SUSD4: variants seen among roughly 807,000 people sequenced by gnomAD.
SUSD4 encodes the protein sushi domain-containing protein 4.
Under a neutral mutation model 50.5 loss-of-function variants are expected in SUSD4, and 41 were observed. The ratio of observed to expected loss-of-function variants is 0.81; its 90% CI spans 0.63 to 1.05. The LOEUF (loss-of-function observed/expected upper bound fraction) is 1.05. SUSD4 is among the 50% of genes least tolerant of loss of function. The pLI is 0.00. For synonymous variants in SUSD4, 257 were observed against 257.3 expected, an observed-to-expected ratio of 1.00 and a Z score of 0.01; for missense variants, 580 against 634.7, an observed-to-expected ratio of 0.91 and a Z score of 0.93.
intron 2 of SUSD4, among the ~76,000 whole-genome samples, chr1:223,336,025 A>C (rs1667436613): frequency 6.6e-6 from 1 of 152,220 alleles, no homozygotes; most frequent in South Asian, 2.1e-4. Flanking sequence ...AAAAAAAGAA[A>C]ACGTCATTAT....
intron 2 of SUSD4, among the ~76,000 whole-genome samples, chr1:223,317,830 CCTT>C (rs1666295732): frequency 2.2e-5 from 3 of 138,774 alleles, no homozygotes; most frequent in Non-Finnish European, 4.7e-5. Flanking sequence ...CAATGCTTGC[CCTT>C]CTTTTTTTTT....
intron 2 of SUSD4, among the ~76,000 whole-genome samples, chr1:223,339,286 G>A (rs989803780): frequency 3.3e-5 from 5 of 152,152 alleles, no homozygotes; most frequent in Non-Finnish European, 5.9e-5. Context: ...ATATTGCTGT[G>A]GGTTGAACAG....
chr1:223,326,892 T>C (rs1416947575), intron 2 of SUSD4, among the ~76,000 whole-genome samples: 2 of 152,170 alleles, frequency 1.3e-5, no homozygotes, highest in Non-Finnish European at 2.9e-5. Flanking sequence ...ATACTGCTAG[T>C]GAAAATGTAA....
At position 223,363,346 on chromosome 1, in the gene SUSD4, TG is replaced by T; in HGVS notation, c.79del (p.Gln27ArgfsTer6). On this transcript the variant is annotated frameshift_variant, in exon 2 of 9. Coordinates refer to ENST00000366878, the MANE Select transcript of SUSD4 (RefSeq NM_017982.4). LOFTEE classifies it high-confidence loss of function. ...QQQQQQPQSP[Q>X]RLLAVILWFQ... ...CCACAGGATCACGGCCAAGAGTCTC[TG>T]GGGGGACTGAGGTTGCTGCTGCTGC... 1 of 1,609,186 alleles carries T rather than the reference TG, an allele frequency of 6.2e-7. No individual in the cohort carries two copies. The highest frequency in any genetic ancestry group is 8.5e-7 in the Non-Finnish European group (1 of 1,178,084).
At chr1:223,254,585 A>G (rs995807891) in intron 5 of SUSD4, among the ~76,000 whole-genome samples, 2 of 152,238 alleles carry the variant, frequency 1.3e-5, no homozygotes, top group African/African-American at 2.4e-5. Context: ...GAGTCTAAAA[A>G]GTAATAGCAG....
intron 5 of SUSD4, among the ~76,000 whole-genome samples, chr1:223,258,433 C>T (rs1661854220): frequency 6.6e-6 from 1 of 152,058 alleles, no homozygotes; most frequent in Non-Finnish European, 1.5e-5. Context: ...CTTAGGAAAT[C>T]ACACTGCTGC....
Position 223,333,097 on chromosome 1 carries a change from T to C in SUSD4, c.148+30181A>G, listed in dbSNP as rs73122295. 7.6e-3 allele frequency among the ~76,000 whole-genome samples: 1,151 copies of C among 151,974 alleles called. 12 individuals carry two copies. The highest frequency in any genetic ancestry group is 0.025 in the African/African-American group (1,036 of 41,484). On this transcript the variant is annotated intron_variant, in intron 2 of 8. Coordinates refer to ENST00000366878, the MANE Select transcript of SUSD4 (RefSeq NM_017982.4). ...CACAGCCCAGCATGGCCTTTCTTCC[T>C]AAAAGAAACCCGCCAATCCAGGCAC...
At chr1:223,268,011 T>A (rs928673841) in intron 4 of SUSD4, among the ~76,000 whole-genome samples, 6 of 7,666 alleles carry the variant, frequency 7.8e-4, no homozygotes, top group African/African-American at 2.9e-3. Context: ...TTCATGCATT[T>A]TTTATATATA....
At chr1:223,266,230 T>C (rs778195408) in intron 4 of SUSD4, among the ~76,000 whole-genome samples, 1 of 150,378 alleles carries the variant, frequency 6.6e-6, no homozygotes, top group Non-Finnish European at 1.5e-5. Context: ...TCAGCCATCT[T>C]TGTAGACAGT....
chr1:223,270,519 G>A (rs909288961), intron 3 of SUSD4, among the ~76,000 whole-genome samples: 2 of 152,164 alleles, frequency 1.3e-5, no homozygotes, highest in Non-Finnish European at 2.9e-5. Flanking sequence ...GAAGAACTGT[G>A]TTCTGGCTTT....
chr1:223,286,990 G>C (rs1664186705), intron 3 of SUSD4, among the ~76,000 whole-genome samples: 1 of 152,216 alleles, frequency 6.6e-6, no homozygotes, highest in South Asian at 2.1e-4. Flanking sequence ...TTTTGAGCCA[G>C]AGCCTGTGGC....
chr1:223,339,879 A>G (rs992345921), intron 2 of SUSD4, among the ~76,000 whole-genome samples: 1 of 152,158 alleles, frequency 6.6e-6, no homozygotes, highest in African/African-American at 2.4e-5. Flanking sequence ...GCTTACACAC[A>G]CTGAGCTGTT....
At chr1:223,253,007 C>T (rs1661439922) in intron 5 of SUSD4, among the ~76,000 whole-genome samples, 1 of 151,728 alleles carries the variant, frequency 6.6e-6, no homozygotes, top group Non-Finnish European at 1.5e-5. Context: ...AGGAGAATCG[C>T]TTGAACCTGA....
Position 223,229,274 on chromosome 1 carries a change from A to G in SUSD4, c.839T>C (p.Leu280Pro), listed in dbSNP as rs1659734616. The stretch of plus-strand genomic sequence containing the variant: ...GGTGATGTACTTGTAGTCGCTGGTG[A>G]GGCTGTAGCCAGGATCGCAGTAAAA... ...VEFYCDPGYS[L>P]TSDYKYITCQ... Residue 280 changes from leucine (L) to proline (P), a missense_variant, in exon 6 of 9, where the codon CTC becomes CCC. Leu to Pro is a moderately conservative substitution (Grantham distance 98). Transcript: ENST00000366878. This position sits in a 1 kb window ranked among gnomAD's most constrained non-coding sequence, Gnocchi z 4.7. 1 of 1,613,130 alleles carries G rather than the reference A, an allele frequency of 6.2e-7. No individual in the cohort carries two copies. Among genetic ancestry groups the G allele is most frequent in the African/African-American group, 1.3e-5 (1 of 74,924 alleles).
chr1:223,256,041 G>A (rs913009614), intron 5 of SUSD4, among the ~76,000 whole-genome samples: 10 of 152,300 alleles, frequency 6.6e-5, no homozygotes, highest in African/African-American at 1.7e-4. Context: ...TGGCACCAGC[G>A]CCTTGCCTGG....
chr1:223,306,951 G>GTT lies in SUSD4; in HGVS notation c.149-14302_149-14301dup, dbSNP rs11379914. Among the ~76,000 whole-genome samples the GTT allele has an allele frequency of 2.2e-3, 318 of 144,348 alleles. 1 individual carries two copies. Among genetic ancestry groups the GTT allele is most frequent in the African/African-American group, 5.6e-3 (215 of 38,474 alleles). 94.7% of individuals were successfully genotyped at this position (144,348 alleles called of 152,430 possible). On this transcript the variant is annotated intron_variant, in intron 2 of 8. Transcript: ENST00000366878. Reference sequence around the variant, plus strand: ...ATCACTAAATGAGGCATATGGATGAGTTTTTTTTTTTGGGGGGGGGTGTCC... The same window carrying GTT: ...ATCACTAAATGAGGCATATGGATGAGTTTTTTTTTTTTTGGGGGGGGGTGTCC...
rs1187608216 is a variant in SUSD4 at position 223,229,056 on chromosome 1, C to A, written c.916+141G>T. The stretch of plus-strand genomic sequence containing the variant: ...AGAGCCCAACAGCAGCCCCATCGAC[C>A]CGCAATGATATGTTTCGATATCCTG... On this transcript the variant is annotated intron_variant, in intron 6 of 8. Transcript: ENST00000366878. The surrounding 1 kb of genome is among the most constrained non-coding windows in gnomAD (Gnocchi z 4.7). 4.7e-6 allele frequency: 4 copies of A among 859,248 alleles called. No homozygotes were observed. The Admixed American group carries it at 9.7e-5, about 21-fold the overall frequency. The allele number at this position is 859,248 out of a possible 1,614,324, so 53.2% of individuals were successfully genotyped here. A position where few individuals can be genotyped will look rare whatever the true frequency, so the allele number is the denominator to read the frequency against.
intron 2 of SUSD4, among the ~76,000 whole-genome samples, chr1:223,322,060 A>G (rs1013023764): frequency 6.6e-6 from 1 of 152,230 alleles, no homozygotes; most frequent in Non-Finnish European, 1.5e-5. Context: ...TCAGCACTCA[A>G]AAAGTTTTGG....
chr1:223,225,492 G>A (rs372534370), intron 7 of SUSD4, among the ~76,000 whole-genome samples: 19 of 152,104 alleles, frequency 1.2e-4, no homozygotes, highest in East Asian at 1.2e-3. Context: ...CTCTTCAGGG[G>A]GCAGAAGACA....
Sources: gnomAD v4.1 joint callset for allele counts (sites outside exome capture counted in the v4.1 genomes callset) on GRCh38, gnomAD v4.1.1 for gene constraint, Gnocchi (gnomAD v3.1) non-coding constraint, MANE v1.5 for transcripts, NCBI Gene and HGNC (gene_info 2026-07-23, HGNC 2026-07-21) for gene names.